Variants in MARCHF3 observed in about 807,000 individuals in gnomAD.
MARCHF3 encodes the protein membrane associated ring-CH-type finger 3, also known as E3 ubiquitin-protein ligase MARCHF3.
A neutral mutation model predicts 24.2 loss-of-function variants in MARCHF3; 13 were observed. The observed-to-expected ratio is 0.54, with a 90% confidence interval of 0.35 to 0.85. The LOEUF is 0.85. Among genes scored for constraint, MARCHF3 ranks in the 40% least tolerant of loss-of-function variants. The pLI, the probability that MARCHF3 is intolerant of heterozygous loss-of-function variation, is 0.01. For synonymous variants in MARCHF3, 144 were observed against 137.3 expected, an observed-to-expected ratio of 1.05 and a Z score of -0.34; for missense variants, 276 against 325.0, an observed-to-expected ratio of 0.85 and a Z score of 1.16.
In MARCHF3 at chr5:127,020,424, A is replaced by T. The variant is rs564531233; in HGVS notation, c.-57+9926T>A. Reference sequence around the variant, plus strand: ...AGAAAAGAGGAAAAAAATCTTGACCATCTGTTATGGTCTAAATATTTATAT... The same window carrying T: ...AGAAAAGAGGAAAAAAATCTTGACCTTCTGTTATGGTCTAAATATTTATAT... On this transcript the variant is annotated intron_variant, in intron 1 of 4. Transcript: ENST00000308660. 1.8e-4 allele frequency among the ~76,000 whole-genome samples: 27 copies of T among 152,354 alleles called. No individual in the cohort carries two copies. The Middle Eastern group carries it at 0.01, about 58-fold the overall frequency.
chr5:126,958,472 C>T (rs985554234), intron 1 of MARCHF3, among the ~76,000 whole-genome samples: 4 of 152,108 alleles, frequency 2.6e-5, no homozygotes, highest in Non-Finnish European at 5.9e-5. Context: ...TTCTAAAAGC[C>T]CACTGCTTTT....
At chr5:126,910,523 G>C (rs1331068329) in intron 3 of MARCHF3, among the ~76,000 whole-genome samples, 2 of 152,240 alleles carry the variant, frequency 1.3e-5, no homozygotes, top group Non-Finnish European at 2.9e-5. Context: ...AGCCATGGCA[G>C]AAGAACTTGG....
At chr5:126,969,963 T>A (rs920109481) in intron 1 of MARCHF3, among the ~76,000 whole-genome samples, 1 of 152,240 alleles carries the variant, frequency 6.6e-6, no homozygotes, top group African/African-American at 2.4e-5. Context: ...GGGATGAATA[T>A]GATAATAATC....
intron 1 of MARCHF3, among the ~76,000 whole-genome samples, chr5:126,959,865 G>T (rs1750582979): frequency 6.6e-6 from 1 of 152,126 alleles, no homozygotes; most frequent in African/African-American, 2.4e-5. Flanking sequence ...ATTCCGACCA[G>T]CAGCACTTCC....
intron 4 of MARCHF3, among the ~76,000 whole-genome samples, chr5:126,876,156 C>A (rs915903344): frequency 1.3e-5 from 2 of 152,148 alleles, no homozygotes; most frequent in Non-Finnish European, 2.9e-5. Context: ...GATAACCTTT[C>A]TTTTCTTCCT....
intron 4 of MARCHF3, among the ~76,000 whole-genome samples, chr5:126,871,526 C>T (rs1411722145): frequency 6.6e-6 from 1 of 152,222 alleles, no homozygotes; most frequent in African/African-American, 2.4e-5. Flanking sequence ...ATGTTTTTCT[C>T]TCCCCCTGCA....
intron 1 of MARCHF3, among the ~76,000 whole-genome samples, chr5:126,977,295 T>A (rs1241506204): frequency 6.6e-6 from 1 of 152,232 alleles, no homozygotes; most frequent in Middle Eastern, 3.2e-3. Context: ...TTGCCTTGGC[T>A]GCTGGAAAGC....
At chr5:127,005,683 C>T (rs1437176451) in intron 1 of MARCHF3, among the ~76,000 whole-genome samples, 2 of 151,780 alleles carry the variant, frequency 1.3e-5, no homozygotes, top group African/African-American at 4.8e-5. Flanking sequence ...TGTTCCCTGC[C>T]CCAAAAAGTT....
intron 1 of MARCHF3, among the ~76,000 whole-genome samples, chr5:126,956,554 G>C (rs945026875): frequency 6.7e-6 from 1 of 149,348 alleles, no homozygotes; most frequent in African/African-American, 2.5e-5. Context: ...CTGAGGCAGG[G>C]GAATCACTTG....
At chr5:126,945,023 A>G (rs911574943) in intron 1 of MARCHF3, among the ~76,000 whole-genome samples, 8 of 152,002 alleles carry the variant, frequency 5.3e-5, no homozygotes, top group Non-Finnish European at 1.2e-4. Context: ...TCCCTCATCC[A>G]TCCCTTCTTT....
intron 1 of MARCHF3, among the ~76,000 whole-genome samples, chr5:126,973,558 T>C (rs1010663426): frequency 1.3e-4 from 20 of 152,190 alleles, no homozygotes; most frequent in African/African-American, 4.3e-4. Flanking sequence ...AGCAGACAAT[T>C]GCAGAAGTGC....
At chr5:127,005,125 C>T (rs1171114395) in intron 1 of MARCHF3, among the ~76,000 whole-genome samples, 1 of 148,396 alleles carries the variant, frequency 6.7e-6, no homozygotes, top group Non-Finnish European at 1.5e-5. Context: ...CATACATGCT[C>T]AGAAAGTCTT....
chr5:126,973,289 C>T (rs992377095), intron 1 of MARCHF3, among the ~76,000 whole-genome samples: 11 of 152,230 alleles, frequency 7.2e-5, no homozygotes, highest in Non-Finnish European at 1.3e-4. Flanking sequence ...CTTTAGGCTG[C>T]TGTGGGAGTT....
At chr5:126,896,126 C>G (rs1245550161) in intron 3 of MARCHF3, among the ~76,000 whole-genome samples, 1 of 152,210 alleles carries the variant, frequency 6.6e-6, no homozygotes, top group Non-Finnish European at 1.5e-5. Context: ...TCCCTGACCC[C>G]TTGCGCTTCC....
At chr5:126,902,793 T>C (rs899591651) in intron 3 of MARCHF3, among the ~76,000 whole-genome samples, 2 of 152,098 alleles carry the variant, frequency 1.3e-5, no homozygotes, top group African/African-American at 4.8e-5. Context: ...AATTCAAGAC[T>C]GGACGACTGC....
At chr5:127,026,535 A>G (rs1229253383) in intron 1 of MARCHF3, among the ~76,000 whole-genome samples, 3 of 152,248 alleles carry the variant, frequency 2.0e-5, no homozygotes, top group Non-Finnish European at 4.4e-5. Flanking sequence ...GAAAACTACT[A>G]CAAGGTCACA....
intron 1 of MARCHF3, among the ~76,000 whole-genome samples, chr5:126,925,736 A>G (rs951953268): frequency 6.6e-6 from 1 of 152,204 alleles, no homozygotes; most frequent in Non-Finnish European, 1.5e-5. Context: ...CTCGGGAACA[A>G]TGAGGGCACA....
chr5:126,989,869 A>C (rs915634414), intron 1 of MARCHF3, among the ~76,000 whole-genome samples: 9 of 152,074 alleles, frequency 5.9e-5, no homozygotes, highest in Non-Finnish European at 1.0e-4. Flanking sequence ...CACGCCTGTA[A>C]TCCCAGCACT....
At chr5:127,018,821 C>T (rs2126862237) in intron 1 of MARCHF3, among the ~76,000 whole-genome samples, 1 of 152,294 alleles carries the variant, frequency 6.6e-6, no homozygotes, top group East Asian at 1.9e-4. Context: ...TGAGTCTAAT[C>T]CTAGCTTAGC....
Sources: gnomAD v4.1 joint callset for allele counts (sites outside exome capture counted in the v4.1 genomes callset) on GRCh38, gnomAD v4.1.1 for gene constraint, MANE v1.5 for transcripts, NCBI Gene and HGNC (gene_info 2026-07-23, HGNC 2026-07-21) for gene names.